The following HDAC9 variants were observed in gnomAD, a reference collection of about 807,000 sequenced individuals.
HDAC9 encodes MEF-2 interacting transcription repressor (MITR) protein.
In HDAC9, 41 loss-of-function variants were observed where a neutral mutation model predicts 139.4. That is an observed-to-expected ratio of 0.29 (90% confidence interval 0.23 to 0.38). The LOEUF (loss-of-function observed/expected upper bound fraction) is 0.38. Ranked by LOEUF, HDAC9 falls within the 10% of genes least tolerant of loss-of-function variation. The probability of loss-of-function intolerance (pLI) is 1.00; values close to 1 mark genes in which losing one functional copy is unlikely to be tolerated. For synonymous variants in HDAC9, 517 were observed against 476.2 expected, an observed-to-expected ratio of 1.09 and a Z score of -1.12; for missense variants, 1,147 against 1,297.0, an observed-to-expected ratio of 0.88 and a Z score of 1.78.
At chr7:18,315,141 A>G (rs1321841171) in intron 1 of HDAC9, among the ~76,000 whole-genome samples, 4 of 152,208 alleles carry the variant, frequency 2.6e-5, no homozygotes, top group Non-Finnish European at 5.9e-5. Context: ...TTTTCTTTTT[A>G]TAAGACTAAT....
At chr7:18,456,384 T>C (rs527469914) in intron 1 of HDAC9, among the ~76,000 whole-genome samples, 4 of 152,194 alleles carry the variant, frequency 2.6e-5, no homozygotes, top group African/African-American at 9.6e-5. Flanking sequence ...CACAGGCACA[T>C]GCCACCATGC....
intron 1 of HDAC9, among the ~76,000 whole-genome samples, chr7:18,129,900 AC>A (rs1412742947): frequency 6.6e-6 from 1 of 152,166 alleles, no homozygotes; most frequent in Non-Finnish European, 1.5e-5. Flanking sequence ...AATGAGAATA[AC>A]AGTGTCACCC....
At chr7:18,321,443 C>T (rs1287242084) in intron 1 of HDAC9, among the ~76,000 whole-genome samples, 1 of 152,098 alleles carries the variant, frequency 6.6e-6, no homozygotes, top group African/African-American at 2.4e-5. Flanking sequence ...CAATAACAGG[C>T]CATTCTAAAT....
At chr7:18,458,327 G>A (rs999790043) in intron 1 of HDAC9, among the ~76,000 whole-genome samples, 1 of 152,158 alleles carries the variant, frequency 6.6e-6, no homozygotes, top group African/African-American at 2.4e-5. Context: ...ACTTAGATGA[G>A]CATATGTGAA....
chr7:18,666,563 G>T (rs767800852), intron 12 of HDAC9, 87 bp downstream of exon 12: 1 of 1,527,784 alleles, frequency 6.5e-7, no homozygotes, highest in South Asian at 1.3e-5. Context: ...AAATGGATAT[G>T]ATTTCCTATC....
chr7:18,396,588 T>G (rs113922293), intron 1 of HDAC9, among the ~76,000 whole-genome samples: 17 of 152,238 alleles, frequency 1.1e-4, no homozygotes, highest in African/African-American at 4.1e-4. Flanking sequence ...TCCTGGAAAT[T>G]GTTTTAAGGG....
In HDAC9 at chr7:18,446,446, A is replaced by G. The variant is rs1441572209; in HGVS notation, c.-41-49816A>G. Reference sequence around the variant, plus strand: ...TGAAAACTGGGAAAGGTTTAGGGATACACTTTTGAGTTGAATCTTTTCCTT... The same window carrying G: ...TGAAAACTGGGAAAGGTTTAGGGATGCACTTTTGAGTTGAATCTTTTCCTT... On this transcript the variant is annotated intron_variant, in intron 1 of 3. Coordinates refer to the HDAC9 transcript ENST00000413509. Among the ~76,000 whole-genome samples the G allele has an allele frequency of 3.3e-5, 5 of 152,334 alleles. No homozygotes were observed. The East Asian group carries it at 7.7e-4, about 23-fold the overall frequency.
chr7:18,736,299 C>T (rs1205307866), intron 13 of HDAC9, among the ~76,000 whole-genome samples: 1 of 152,172 alleles, frequency 6.6e-6, no homozygotes, highest in African/African-American at 2.4e-5. Context: ...GAGAGGGCAT[C>T]CTTGTCTTGT....
At chr7:18,981,504 A>G (rs547559895) in intron 25 of HDAC9, among the ~76,000 whole-genome samples, 1 of 152,314 alleles carries the variant, frequency 6.6e-6, no homozygotes, top group African/African-American at 2.4e-5. Flanking sequence ...TGTATTGGCA[A>G]GGCTGCCTTC....
intron 1 of HDAC9, among the ~76,000 whole-genome samples, chr7:18,329,101 A>G (rs988679822): frequency 1.3e-5 from 2 of 151,754 alleles, no homozygotes; most frequent in African/African-American, 2.4e-5. Context: ...ATAATAGTTT[A>G]TAATAGTCTC....
At chr7:18,661,299 A>G (rs1025867410) in intron 11 of HDAC9, among the ~76,000 whole-genome samples, 2 of 152,136 alleles carry the variant, frequency 1.3e-5, no homozygotes, top group African/African-American at 2.4e-5. Context: ...GGTGATCAAT[A>G]CAATTGGGTT....
chr7:18,937,347 A>G (rs550768987), intron 23 of HDAC9, among the ~76,000 whole-genome samples: 1 of 151,938 alleles, frequency 6.6e-6, no homozygotes, highest in African/African-American at 2.4e-5. Context: ...TGTCTTGTTA[A>G]TTTTAGACAG....
At chr7:18,785,695 T>C (rs1457282450) in intron 16 of HDAC9, among the ~76,000 whole-genome samples, 1 of 152,200 alleles carries the variant, frequency 6.6e-6, no homozygotes, top group African/African-American at 2.4e-5. Context: ...TTAGAATCTG[T>C]TTTTTAAAAT....
At chr7:18,763,451 T>C (rs550175982) in intron 15 of HDAC9, among the ~76,000 whole-genome samples, 1 of 152,304 alleles carries the variant, frequency 6.6e-6, no homozygotes, top group East Asian at 1.9e-4. Context: ...TTTTAGAAAG[T>C]ACATTGCTAA....
intron 1 of HDAC9, among the ~76,000 whole-genome samples, chr7:18,306,393 G>A (rs1356723651): frequency 6.6e-6 from 1 of 152,238 alleles, no homozygotes; most frequent in East Asian, 1.9e-4. Flanking sequence ...TGGGTGGACT[G>A]TTGATAGCAT....
chr7:18,294,817 T>C (rs966296192), intron 1 of HDAC9, among the ~76,000 whole-genome samples: 1 of 152,124 alleles, frequency 6.6e-6, no homozygotes, highest in African/African-American at 2.4e-5. Flanking sequence ...TTTCAATAGC[T>C]TAGTCCAAAA....
chr7:18,667,894 G>T, intron 12 of HDAC9: 2 of 983,534 alleles, frequency 2.0e-6, no homozygotes, highest in Non-Finnish European at 2.4e-6. Context: ...CTAGTTAAAG[G>T]TTCGTTGTAT....
At chr7:18,541,160 T>TTA (rs1812768477) in intron 2 of HDAC9, among the ~76,000 whole-genome samples, 1 of 149,256 alleles carries the variant, frequency 6.7e-6, no homozygotes, top group African/African-American at 2.5e-5. Flanking sequence ...TTTTTTTTTT[T>TTA]TTTTTTCTGA....
intron 25 of HDAC9, among the ~76,000 whole-genome samples, chr7:18,978,793 G>A (rs533733452): frequency 6.6e-6 from 1 of 152,322 alleles, no homozygotes; most frequent in Admixed American, 6.5e-5. Flanking sequence ...GGTCAGTACA[G>A]TACTCAGGTT....
Sources: allele counts gnomAD v4.1 joint callset (sites outside exome capture counted in the v4.1 genomes callset), GRCh38; gene constraint gnomAD v4.1.1; transcripts MANE v1.5; gene names NCBI Gene and HGNC (gene_info 2026-07-23, HGNC 2026-07-21).